NTM: variants seen among roughly 807,000 people sequenced by gnomAD.
NTM encodes the protein IgLON family member 2.
Under a neutral mutation model 42.1 loss-of-function variants are expected in NTM, and 13 were observed. The ratio of observed to expected loss-of-function variants is 0.31; its 90% CI spans 0.20 to 0.49. The LOEUF (loss-of-function observed/expected upper bound fraction) is 0.49, where lower values mean the gene tolerates loss of function less well. Among genes scored for constraint, NTM ranks in the 20% least tolerant of loss-of-function variants. The pLI is 0.99. For missense variants in NTM, 373 were observed against 452.8 expected, an observed-to-expected ratio of 0.82 and a Z score of 1.60; for synonymous variants, 187 against 179.2, an observed-to-expected ratio of 1.04 and a Z score of -0.35.
At position 132,146,815 on chromosome 11, in the gene NTM, T is replaced by G. The variant is rs573998371; in HGVS notation, c.400+301T>G. The G allele has an allele frequency of 4.4e-5, 17 of 385,422 alleles. No homozygotes were observed. In the Admixed American group the frequency reaches 5.5e-4, roughly 12 times the overall value. 23.9% of individuals were successfully genotyped at this position (385,422 alleles called of 1,614,324 possible). On this transcript the variant is annotated intron_variant, in intron 3 of 8. Transcript: ENST00000683400. This position sits in a 1 kb window ranked among gnomAD's most constrained non-coding sequence, Gnocchi z 4.5. The stretch of plus-strand genomic sequence containing the variant: ...CCCCTAAGTTTTAGTTATTTTTGTT[T>G]GTTTGTTTTTTGTTTTGTTTTGTTT...
intron 1 of NTM, among the ~76,000 whole-genome samples, chr11:131,475,710 A>C (rs1591776412): frequency 1.3e-5 from 2 of 152,336 alleles, no homozygotes; most frequent in Admixed American, 1.3e-4. Flanking sequence ...CTTAAAGGAA[A>C]AAACTGCCAA....
intron 1 of NTM, among the ~76,000 whole-genome samples, chr11:131,862,663 G>A (rs2046766399): frequency 6.6e-6 from 1 of 152,170 alleles, no homozygotes; most frequent in Non-Finnish European, 1.5e-5. Flanking sequence ...GAGTTGTAAA[G>A]GACTTTCATG....
At chr11:131,640,245 C>T (rs2064969782) in intron 1 of NTM, among the ~76,000 whole-genome samples, 2 of 152,176 alleles carry the variant, frequency 1.3e-5, no homozygotes, top group African/African-American at 4.8e-5. Flanking sequence ...ACAGTACTTC[C>T]TGATGCTGGA....
intron 1 of NTM, among the ~76,000 whole-genome samples, chr11:131,457,350 A>C (rs1376048452): frequency 6.6e-6 from 1 of 152,094 alleles, no homozygotes. Flanking sequence ...CCCTGCATGC[A>C]GTAGAGAGGT....
chr11:131,398,674 T>TTGAG (rs1196148046), intron 1 of NTM, among the ~76,000 whole-genome samples: 4 of 152,210 alleles, frequency 2.6e-5, no homozygotes, highest in African/African-American at 9.7e-5. Context: ...TATGGCCTTA[T>TTGAG]TCCACTGTTA....
intron 1 of NTM, chr11:131,878,028 A>G (rs529455754): frequency 6.6e-6 from 1 of 151,758 alleles, no homozygotes; most frequent in Non-Finnish European, 1.5e-5. Context: ...CCTTGAAAGC[A>G]TTTTCTTTTC....
chr11:131,752,225 G>A lies in NTM; in HGVS notation c.83-159339G>A, dbSNP rs968428135. Among the ~76,000 whole-genome samples, 11 of 152,210 alleles carry A rather than the reference G, an allele frequency of 7.2e-5. No homozygotes were observed. In the East Asian group the frequency reaches 1.4e-3, roughly 19 times the overall value. Reference sequence around the variant, plus strand: ...GTTTTAACCCCATCAAAAAGTGGGCGAAGGATATGAACAGACACTTCTCTA... The same window carrying A: ...GTTTTAACCCCATCAAAAAGTGGGCAAAGGATATGAACAGACACTTCTCTA... On this transcript the variant is annotated intron_variant, in intron 1 of 8. Transcript: ENST00000683400.
chr11:131,785,620 T>C (rs1204759716), intron 1 of NTM, among the ~76,000 whole-genome samples: 1 of 152,180 alleles, frequency 6.6e-6, no homozygotes, highest in African/African-American at 2.4e-5. Flanking sequence ...AGGTAAATGG[T>C]CTCTTCAAGA....
chr11:131,747,890 C>T (rs998534016), intron 1 of NTM, among the ~76,000 whole-genome samples: 1 of 152,184 alleles, frequency 6.6e-6, no homozygotes, highest in African/African-American at 2.4e-5. Context: ...CCAGGAATGT[C>T]TCCACCAGGA....
At chr11:131,939,611 C>T (rs1593034176) in intron 2 of NTM, among the ~76,000 whole-genome samples, 1 of 152,148 alleles carries the variant, frequency 6.6e-6, no homozygotes, top group South Asian at 2.1e-4. Context: ...AAGCAGAGGG[C>T]TGGCACACCT....
chr11:132,252,744 G>C (rs2092089113), intron 4 of NTM, among the ~76,000 whole-genome samples: 1 of 152,180 alleles, frequency 6.6e-6, no homozygotes, highest in Admixed American at 6.5e-5. Flanking sequence ...CCGTCCATGT[G>C]CACCATGATT....
chr11:131,393,270 T>C (rs932020262), intron 1 of NTM, among the ~76,000 whole-genome samples: 8 of 152,256 alleles, frequency 5.3e-5, no homozygotes, highest in Middle Eastern at 6.8e-3. Context: ...GAAAGCCCCA[T>C]GGGCCTGTGT....
rs1461257931 is a variant in NTM at position 131,504,574 on chromosome 11, C to T, written c.82+133686C>T. Among the ~76,000 whole-genome samples the T allele has an allele frequency of 6.6e-5, 10 of 152,278 alleles. No individual in the cohort carries two copies. In the East Asian group the frequency reaches 1.9e-3, roughly 30 times the overall value. Reference sequence around the variant, plus strand: ...CCATTTCACACAGCGCTGGGGTTCTCTCACCCACAGATGGTGTTACCAAAA... The same window carrying T: ...CCATTTCACACAGCGCTGGGGTTCTTTCACCCACAGATGGTGTTACCAAAA... On this transcript the variant is annotated intron_variant, in intron 1 of 8. Coordinates refer to ENST00000683400, the MANE Select transcript of NTM (RefSeq NM_001352005.2).
chr11:132,208,827 G>A (rs1301482275), intron 3 of NTM, among the ~76,000 whole-genome samples: 4 of 152,094 alleles, frequency 2.6e-5, no homozygotes, highest in East Asian at 1.9e-4. Flanking sequence ...TTATTTTATT[G>A]CATGGCATTG....
chr11:131,815,234 T>C lies in NTM; in HGVS notation c.83-96330T>C, dbSNP rs188776762. Among the ~76,000 whole-genome samples the C allele has an allele frequency of 2.6e-5, 4 of 152,238 alleles. No homozygotes were observed. In the East Asian group the frequency reaches 7.8e-4, roughly 30 times the overall value. On this transcript the variant is annotated intron_variant, in intron 1 of 8. Coordinates refer to ENST00000683400, the MANE Select transcript of NTM (RefSeq NM_001352005.2). ...CCTTCTCCCACCTCACCTTTCTGGG[T>C]GCACTGGCTAACTACAGTTTTTGTG... is the stretch of plus-strand genomic sequence containing the variant.
rs921000217 is a variant in NTM at position 131,910,844 on chromosome 11, G to A, written c.83-720G>A. ...CGGCCGCAGCGCGCATTTGGGCTCC[G>A]AGGAAGTTGACCGAGGCGGCTGCCG... On this transcript the variant is annotated intron_variant, in intron 1 of 8. Coordinates refer to ENST00000683400, the MANE Select transcript of NTM (RefSeq NM_001352005.2). 7.1e-6 allele frequency: 7 copies of A among 985,076 alleles called. No individual in the cohort carries two copies. In the African/African-American group the frequency reaches 1.0e-4, roughly 15 times the overall value. 61.0% of individuals were successfully genotyped at this position (985,076 alleles called of 1,614,324 possible).
intron 1 of NTM, among the ~76,000 whole-genome samples, chr11:131,681,445 C>A (rs1455236791): frequency 1.1e-3 from 3 of 2,618 alleles, no homozygotes; most frequent in African/African-American, 3.0e-3. Flanking sequence ...GTCTGTATGT[C>A]TGTGTGTGTG....
intron 1 of NTM, among the ~76,000 whole-genome samples, chr11:131,708,557 A>G (rs2076813714): frequency 6.6e-6 from 1 of 152,188 alleles, no homozygotes; most frequent in South Asian, 2.1e-4. Flanking sequence ...AACTGAGAAA[A>G]ATATTTTTGT....
At position 131,440,226 on chromosome 11, in the gene NTM, T is replaced by C. The variant is rs560650929; in HGVS notation, c.82+69338T>C. 2.6e-5 allele frequency among the ~76,000 whole-genome samples: 4 copies of C among 152,076 alleles called. No homozygotes were observed. The East Asian group carries it at 7.7e-4, about 29-fold the overall frequency. The stretch of plus-strand genomic sequence containing the variant: ...TATAACTTCTTTTAATTTCTAGGAG[T>C]TCTTTATTATTCTCTGCTTATTGTT... On this transcript the variant is annotated intron_variant, in intron 1 of 8. Coordinates refer to ENST00000683400, the MANE Select transcript of NTM (RefSeq NM_001352005.2).
Sources: allele counts gnomAD v4.1 joint callset (sites outside exome capture counted in the v4.1 genomes callset), GRCh38; gene constraint gnomAD v4.1.1; non-coding constraint Gnocchi (gnomAD v3.1); transcripts MANE v1.5; gene names NCBI Gene and HGNC (gene_info 2026-07-23, HGNC 2026-07-21).